The following ACYP2 variants were observed in gnomAD, a reference collection of about 807,000 sequenced individuals.
The protein encoded by ACYP2 is acylphosphatase 2, also known as acylphosphatase-2.
ACYP2 carries 12 observed loss-of-function variants against 11.2 expected under a neutral mutation model. That is an observed-to-expected ratio of 1.08 (90% confidence interval 0.69 to 1.74). The LOEUF (loss-of-function observed/expected upper bound fraction) is 1.74. Ranked by LOEUF, ACYP2 falls within the 40% of genes most tolerant of loss-of-function variation. The probability of loss-of-function intolerance (pLI) is 0.00; values close to 1 mark genes in which losing one functional copy is unlikely to be tolerated. For missense variants in ACYP2, 134 were observed against 101.9 expected (o/e 1.31, Z -1.35); for synonymous variants, 43 against 32.2 (o/e 1.33, Z -1.13).
chr2:54,142,023 G>T (rs1253293101), intron 6 of ACYP2: 66 of 232,242 alleles, frequency 2.8e-4, no homozygotes, highest in Non-Finnish European at 4.0e-4. Context: ...ATATTTTGTT[G>T]TTGTTGTTGT....
intron 2 of ACYP2, among the ~76,000 whole-genome samples, chr2:53,992,781 A>G (rs929986675): frequency 6.6e-6 from 1 of 151,170 alleles, no homozygotes. Context: ...CAGCGAGCTG[A>G]GACCACACCA....
At chr2:54,114,969 C>A (rs57940820) in intron 4 of ACYP2, among the ~76,000 whole-genome samples, 12,163 of 151,470 alleles carry the variant, frequency 0.08, 645 homozygotes, top group East Asian at 0.29. Context: ...ACACTAAACA[C>A]GCAGGCCCTT....
chr2:54,126,170 G>A (rs984005079), intron 4 of ACYP2, among the ~76,000 whole-genome samples: 3 of 152,222 alleles, frequency 2.0e-5, no homozygotes, highest in African/African-American at 7.2e-5. Flanking sequence ...GTTTGCAGAA[G>A]AAGATAGGTA....
chr2:54,292,198 C>CT (rs963751889), intron 6 of ACYP2, among the ~76,000 whole-genome samples: 179 of 148,066 alleles, frequency 1.2e-3, no homozygotes, highest in Admixed American at 1.4e-3. Flanking sequence ...CAAAACAAAT[C>CT]TTTTTTTTTT....
chr2:54,272,040 C>CAG (rs1688327040), intron 6 of ACYP2, among the ~76,000 whole-genome samples: 1 of 152,164 alleles, frequency 6.6e-6, no homozygotes, highest in Non-Finnish European at 1.5e-5. Context: ...CTTTCAGTTC[C>CAG]TCAACTGAGG....
intron 6 of ACYP2, among the ~76,000 whole-genome samples, chr2:54,290,213 C>G (rs1469390116): frequency 6.6e-6 from 1 of 152,104 alleles, no homozygotes; most frequent in East Asian, 1.9e-4. Flanking sequence ...TGAAGCTTCC[C>G]CGGGCGAGGC....
intron 2 of ACYP2, among the ~76,000 whole-genome samples, chr2:53,974,375 A>C (rs867399959): frequency 1.3e-5 from 2 of 152,216 alleles, no homozygotes; most frequent in Non-Finnish European, 2.9e-5. Context: ...GCAGGGAAGG[A>C]AGCATAGGTG....
At chr2:54,198,248 C>G (rs946825003) in intron 6 of ACYP2, among the ~76,000 whole-genome samples, 1 of 152,092 alleles carries the variant, frequency 6.6e-6, no homozygotes, top group Non-Finnish European at 1.5e-5. Flanking sequence ...CTCCTGACCT[C>G]AGGTGATCCA....
chr2:54,129,519 C>T (rs1171087812), intron 4 of ACYP2, among the ~76,000 whole-genome samples: 2 of 151,608 alleles, frequency 1.3e-5, no homozygotes, highest in Admixed American at 6.6e-5. Flanking sequence ...TATGTATATG[C>T]CTAATGTTAT....
intron 6 of ACYP2, among the ~76,000 whole-genome samples, chr2:54,196,694 C>T (rs370036093): frequency 6.6e-6 from 1 of 152,176 alleles, no homozygotes; most frequent in Non-Finnish European, 1.5e-5. Context: ...CTGGCCTTCA[C>T]CCTCTAGTTG....
intron 6 of ACYP2, among the ~76,000 whole-genome samples, chr2:54,158,107 C>T (rs1682515597): frequency 6.6e-6 from 1 of 151,922 alleles, no homozygotes; most frequent in Non-Finnish European, 1.5e-5. Flanking sequence ...TTCGCTGCAA[C>T]CTCTGCCTCC....
intron 4 of ACYP2, among the ~76,000 whole-genome samples, chr2:54,095,683 G>A (rs1678509347): frequency 1.6e-5 from 2 of 124,596 alleles, no homozygotes; most frequent in Admixed American, 7.9e-5. Context: ...CCTCCCTCCT[G>A]GACGGGGCGG....
At chr2:54,250,778 C>T (rs548477207) in intron 6 of ACYP2, among the ~76,000 whole-genome samples, 36 of 152,264 alleles carry the variant, frequency 2.4e-4, no homozygotes, top group Admixed American at 2.2e-3. Flanking sequence ...AAAGATTTTG[C>T]TCAAATAAGC....
chr2:54,281,080 A>G (rs1282279098), intron 6 of ACYP2, among the ~76,000 whole-genome samples: 10 of 152,242 alleles, frequency 6.6e-5, no homozygotes. Context: ...GGAGGTTTAA[A>G]CGAAATAACA....
chr2:54,031,020 C>T (rs1674555247), intron 2 of ACYP2, among the ~76,000 whole-genome samples: 1 of 152,138 alleles, frequency 6.6e-6, no homozygotes, highest in Non-Finnish European at 1.5e-5. Context: ...GTGGCCAAAG[C>T]AGTAAGGGGC....
At chr2:54,159,167 G>C (rs1033940577) in intron 6 of ACYP2, among the ~76,000 whole-genome samples, 6 of 149,336 alleles carry the variant, frequency 4.0e-5, no homozygotes, top group African/African-American at 1.5e-4. Context: ...CAAGCTCCCT[G>C]GGCTTTAAAA....
intron 6 of ACYP2, among the ~76,000 whole-genome samples, chr2:54,293,832 C>T (rs930471696): frequency 4.6e-5 from 7 of 152,088 alleles, no homozygotes; most frequent in African/African-American, 1.7e-4. Flanking sequence ...ACATATCTGA[C>T]AAATATTTCA....
At chr2:54,172,199 C>T in intron 6 of ACYP2, among the ~76,000 whole-genome samples, 1 of 152,086 alleles carries the variant, frequency 6.6e-6, no homozygotes, top group Admixed American at 6.6e-5. Flanking sequence ...ACCTGGGTAA[C>T]AGAGCGAGAC....
chr2:54,208,704 AC>A (rs68181474), intron 6 of ACYP2, among the ~76,000 whole-genome samples: 46,073 of 140,822 alleles, frequency 0.33, 7,255 homozygotes, highest in South Asian at 0.41. Context: ...AAAAAGGGAG[AC>A]TTTTTTTTTT....
Sources: gnomAD v4.1 joint callset for allele counts (sites outside exome capture counted in the v4.1 genomes callset) on GRCh38, gnomAD v4.1.1 for gene constraint, MANE v1.5 for transcripts, NCBI Gene and HGNC (gene_info 2026-07-23, HGNC 2026-07-21) for gene names.